Variants in OCRL observed in about 807,000 individuals in gnomAD.
OCRL encodes OCRL inositol polyphosphate-5-phosphatase.
OCRL carries 8 observed loss-of-function variants against 78.9 expected under a neutral mutation model. The observed-to-expected ratio is 0.10, with a 90% CI of 0.06 to 0.18. The LOEUF (loss-of-function observed/expected upper bound fraction) is 0.18. OCRL is among the 10% of genes least tolerant of loss of function. The probability of loss-of-function intolerance (pLI) is 1.00; values close to 1 mark genes in which losing one functional copy is unlikely to be tolerated. For synonymous variants in OCRL, 240 were observed against 235.4 expected (o/e 1.02, Z -0.18); for missense variants, 454 against 696.7 (o/e 0.65, Z 3.92).
Position 129,592,230 on chromosome X carries a change from C to T in OCRL, c.*1960C>T, listed in dbSNP as rs1029530155. ...CAGACAGAAGAAATCTGCTTCCCTA[C>T]CATGGCTATTCCAGCACCCCAACCT... On this transcript the variant is annotated 3_prime_UTR_variant, in exon 24 of 24. Transcript: ENST00000371113. 1 of 113,800 alleles carries T rather than the reference C, an allele frequency of 8.8e-6. No homozygotes were observed. The highest frequency in any genetic ancestry group is 3.2e-5 in the African/African-American group (1 of 30,814). The allele number at this position is 113,800 out of a possible 1,213,427, so 9.4% of individuals were successfully genotyped here. A position where few individuals can be genotyped will look rare whatever the true frequency, so the allele number is the denominator to read the frequency against.
chrX:129,583,273 G>A (rs1423962273), intron 18 of OCRL, among the ~76,000 whole-genome samples: 1 of 111,697 alleles, frequency 9.0e-6, no homozygotes, highest in African/African-American at 3.3e-5. Context: ...CTTTTAAGTG[G>A]GGTTTCTCAC....
At chrX:129,570,620 T>G (rs1050217269) in intron 15 of OCRL, among the ~76,000 whole-genome samples, 5 of 112,525 alleles carry the variant, frequency 4.4e-5, no homozygotes, top group Non-Finnish European at 1.9e-5. Flanking sequence ...GACTTTACTT[T>G]TGTCCATTTT....
At chrX:129,561,049 G>T in intron 9 of OCRL, 130 bp from the exon 10 acceptor site, 1 of 515,614 alleles carries the variant, frequency 1.9e-6, no homozygotes. Context: ...TAACCTGGGT[G>T]AACAGAGCAG....
Position 129,590,340 on chromosome X carries a change from A to C in OCRL, c.*70A>C. 8.6e-7 allele frequency: 1 copy of C among 1,162,639 alleles called. No individual in the cohort carries two copies. The highest frequency in any genetic ancestry group is 1.2e-6 in the Non-Finnish European group (1 of 854,524). ...CTCCAAGTATTTCAGAATGATTTAA[A>C]AAGTCATGCCACAGGAAGGGTCTAT... On this transcript the variant is annotated 3_prime_UTR_variant, in exon 24 of 24. Coordinates refer to ENST00000371113, the MANE Select transcript of OCRL (RefSeq NM_000276.4).
intron 18 of OCRL, among the ~76,000 whole-genome samples, chrX:129,581,831 T>TTCTCTCTCTCTCTCTCTCTCTC (rs753415077): frequency 1.5e-5 from 1 of 65,594 alleles, no homozygotes; most frequent in African/African-American, 8.3e-5. Context: ...CCCTTTGTCT[T>TTCTCTCTCTCTCTCTCTCTCTC]TCTCTCTCTC....
chrX:129,569,052 G>A (rs1027436959), intron 14 of OCRL, among the ~76,000 whole-genome samples: 1 of 112,060 alleles, frequency 8.9e-6, no homozygotes, highest in Admixed American at 9.4e-5. Flanking sequence ...ACCATGCTAG[G>A]TTCTAGGAGT....
intron 3 of OCRL, among the ~76,000 whole-genome samples, chrX:129,546,907 C>T (rs1417533321): frequency 9.0e-6 from 1 of 111,026 alleles, no homozygotes; most frequent in Non-Finnish European, 1.9e-5. Context: ...CTTTCTATTT[C>T]CTGACCCCTG....
intron 3 of OCRL, among the ~76,000 whole-genome samples, chrX:129,547,830 G>C (rs1225130276): frequency 1.8e-5 from 2 of 111,756 alleles, no homozygotes; most frequent in Non-Finnish European, 3.8e-5. Context: ...ATCCCAAGGA[G>C]TCAGTACCCA....
At chrX:129,589,039 G>A (rs1310863314) in intron 22 of OCRL, 26 bp downstream of exon 22, 3 of 1,208,472 alleles carry the variant, frequency 2.5e-6, no homozygotes, top group Non-Finnish European at 3.4e-6. Context: ...CTGGGGATGT[G>A]TTTGACGCAG....
At chrX:129,575,475 T>C (rs945787597) in intron 16 of OCRL, among the ~76,000 whole-genome samples, 11 of 112,105 alleles carry the variant, frequency 9.8e-5, no homozygotes, top group African/African-American at 2.9e-4. Context: ...GGGGTAGTTG[T>C]AAGGATTACA....
chrX:129,540,554 T>C, intron 1 of OCRL, 76 bp downstream of exon 1: 1 of 892,938 alleles, frequency 1.1e-6, no homozygotes, highest in Non-Finnish European at 1.5e-6. Context: ...CGGAACACGG[T>C]GGGGCGGGGC....
At chrX:129,544,899 T>C in intron 2 of OCRL, 59 bp from the exon 3 acceptor site, 1 of 686,688 alleles carries the variant, frequency 1.5e-6, no homozygotes, top group Non-Finnish European at 2.4e-6. Flanking sequence ...CAGTGAAGTA[T>C]TTTTTTGCTA....
chrX:129,565,809 T>G lies in OCRL; in HGVS notation c.1282T>G (p.Cys428Gly). The change falls in exon 13 of 24, where the codon TGC becomes GGC. Residue 428 changes from cysteine (C) to glycine (G), a missense_variant. Coordinates refer to ENST00000371113, the MANE Select transcript of OCRL (RefSeq NM_000276.4). ...IWLGDLNYRL[C>G]MPDANEVKSL... ...GTTGGGAGATTTGAATTATAGACTTTGCATGCCTGATGCCAATGAGGTGAA... is the reference window on the plus strand; with the variant it reads ...GTTGGGAGATTTGAATTATAGACTTGGCATGCCTGATGCCAATGAGGTGAA... 1 of 1,209,999 alleles carries G rather than the reference T, an allele frequency of 8.3e-7. No individual in the cohort carries two copies. The highest frequency in any genetic ancestry group is 1.1e-6 in the Non-Finnish European group (1 of 893,870).
intron 15 of OCRL, among the ~76,000 whole-genome samples, chrX:129,571,205 C>T (rs1023078719): frequency 7.2e-5 from 8 of 111,030 alleles, no homozygotes; most frequent in Admixed American, 5.7e-4. Context: ...TGCAGGCTGC[C>T]CCTTTTTCTT....
rs1444248341 is a variant in OCRL at position 129,540,589 on chromosome X, A to G, written c.39+111A>G. Reference sequence around the variant, plus strand: ...CAACCGGGTGGCCCAGAGGCCGAGCAGAGAGGGGGAGGGGGCCGGCGCGGG... The same window carrying G: ...CAACCGGGTGGCCCAGAGGCCGAGCGGAGAGGGGGAGGGGGCCGGCGCGGG... On this transcript the variant is annotated intron_variant, in intron 1 of 23. Transcript: ENST00000371113. 4 of 696,083 alleles carry G rather than the reference A, an allele frequency of 5.7e-6. No individual in the cohort carries two copies. The African/African-American group carries it at 8.0e-5, about 14-fold the overall frequency. 57.4% of individuals were successfully genotyped at this position (696,083 alleles called of 1,213,427 possible).
chrX:129,576,208 C>T, intron 17 of OCRL, 109 bp from the exon 18 acceptor site: 1 of 915,789 alleles, frequency 1.1e-6, no homozygotes, highest in Non-Finnish European at 1.6e-6. Context: ...TCTTCCCCCT[C>T]ATTGCTTAAT....
At chrX:129,544,011 G>A (rs890315708) in intron 2 of OCRL, among the ~76,000 whole-genome samples, 2 of 110,878 alleles carry the variant, frequency 1.8e-5, no homozygotes, top group African/African-American at 6.6e-5. Context: ...AAACAAAGGC[G>A]ATAAGGCTGC....
intron 21 of OCRL, 43 bp from the exon 22 acceptor site, chrX:129,588,843 C>T: frequency 8.3e-7 from 1 of 1,208,132 alleles, no homozygotes; most frequent in Non-Finnish European, 1.1e-6. Context: ...CTCTGTGTGG[C>T]CTTTCTCCTG....
In OCRL at chrX:129,576,463, C is replaced by T; in HGVS notation, c.2026C>T (p.Leu676Phe). The T allele has an allele frequency of 8.3e-7, 1 of 1,211,335 alleles. No homozygotes were observed. Among genetic ancestry groups the T allele is most frequent in the South Asian group, 1.8e-5 (1 of 56,975 alleles). ...CTTCTTGACTATCAGTGGAAATTACCTCCCAAGTTGTTTTGGCACATCCTT... is the reference window on the plus strand; with the variant it reads ...CTTCTTGACTATCAGTGGAAATTACTTCCCAAGTTGTTTTGGCACATCCTT... The part of the protein sequence containing the change: ...DYFLTISGNY[L>F]PSCFGTSLEA... Residue 676 changes from leucine (L) to phenylalanine (F), a missense_variant, in exon 18 of 24, where the codon CTC (leucine) becomes TTC (phenylalanine). Physicochemically the swap from Leu to Phe is conservative, Grantham distance 22. Around this residue, in one of 2 missense-constraint regions of OCRL, gnomAD observed 277 missense variants for 517.1 expected, o/e 0.54. Coordinates refer to ENST00000371113, the MANE Select transcript of OCRL (RefSeq NM_000276.4).
Sources: allele counts gnomAD v4.1 joint callset (sites outside exome capture counted in the v4.1 genomes callset), GRCh38; gene constraint gnomAD v4.1.1; regional missense constraint gnomAD v4.1.1; transcripts MANE v1.5; gene names NCBI Gene and HGNC (gene_info 2026-07-23, HGNC 2026-07-21).